NRG1: variants seen among roughly 807,000 people sequenced by gnomAD.
The protein encoded by NRG1 is neuregulin 1.
In NRG1, 18 loss-of-function variants were observed where a neutral mutation model predicts 63.8. The ratio of observed to expected loss-of-function variants is 0.28; its 90% confidence interval spans 0.19 to 0.42. The LOEUF (loss-of-function observed/expected upper bound fraction) is 0.42. Among genes scored for constraint, NRG1 ranks in the 10% least tolerant of loss-of-function variants. NRG1 has a pLI of 1.00. For synonymous variants in NRG1, 302 were observed against 301.3 expected (o/e 1.00, Z -0.02); for missense variants, 762 against 814.7 (o/e 0.94, Z 0.79).
chr8:32,543,702 G>C (rs1266126148), upstream of NRG1, among the ~76,000 whole-genome samples: 1 of 152,098 alleles, frequency 6.6e-6, no homozygotes, highest in Non-Finnish European at 1.5e-5. Context: ...AGTCACACAA[G>C]CAGAAAAACA....
intron 1 of NRG1, among the ~76,000 whole-genome samples, chr8:32,239,173 C>T (rs1847859111): frequency 6.6e-6 from 1 of 151,062 alleles, no homozygotes; most frequent in Non-Finnish European, 1.5e-5. Flanking sequence ...TTAAAAAGCT[C>T]AATCTAAAAA....
At chr8:32,150,333 A>C (rs1374592402) in intron 1 of NRG1, among the ~76,000 whole-genome samples, 1 of 152,226 alleles carries the variant, frequency 6.6e-6, no homozygotes, top group Non-Finnish European at 1.5e-5. Flanking sequence ...AAATTGTCTG[A>C]ACATTGATGT....
chr8:31,751,460 C>T (rs1816453274), intron 1 of NRG1, among the ~76,000 whole-genome samples: 1 of 151,818 alleles, frequency 6.6e-6, no homozygotes, highest in Non-Finnish European at 1.5e-5. Flanking sequence ...GCAAACATGG[C>T]TGAAGGACAG....
At chr8:32,051,950 G>A (rs1021928969) in intron 1 of NRG1, among the ~76,000 whole-genome samples, 4 of 152,116 alleles carry the variant, frequency 2.6e-5, no homozygotes, top group African/African-American at 9.7e-5. Context: ...AGAGTTTACT[G>A]GACTTGGAAG....
chr8:32,446,040 G>A (rs547534473), intron 1 of NRG1, among the ~76,000 whole-genome samples: 7 of 152,048 alleles, frequency 4.6e-5, no homozygotes, highest in Non-Finnish European at 1.0e-4. Flanking sequence ...CAAATAAATG[G>A]ACTAATTTGT....
rs1554511693 is a variant in NRG1, at chr8:32,337,682, A to AAAAAAAAAAAAAAAAAAAAAAAAAAAT, written c.38-258146_38-258145insAAAAAAAAAAAAAAAAAAAAAAAAAAT. On this transcript the variant is annotated intron_variant, in intron 1 of 10. Transcript: ENST00000519301. Reference sequence around the variant, plus strand: ...AAAAAAAAAAAAAAAAAAAAAAAAAAGCTGATGCAGTTAGGAAAGGGAAGC... The same window carrying AAAAAAAAAAAAAAAAAAAAAAAAAAAT: ...AAAAAAAAAAAAAAAAAAAAAAAAAAAAAAAAAAAAAAAAAAAAAAAAAAAATGCTGATGCAGTTAGGAAAGGGAAGC... 2.6e-5 allele frequency among the ~76,000 whole-genome samples: 3 copies of AAAAAAAAAAAAAAAAAAAAAAAAAAAT among 116,698 alleles called. 1 individual carries two copies. The highest frequency in any genetic ancestry group is 5.7e-5 in the Non-Finnish European group (3 of 52,590). The allele number at this position is 116,698 out of a possible 152,430, so 76.6% of individuals were successfully genotyped here.
chr8:32,618,971 G>A (rs574475289), intron 5 of NRG1, among the ~76,000 whole-genome samples: 1 of 152,262 alleles, frequency 6.6e-6, no homozygotes, highest in South Asian at 2.1e-4. Flanking sequence ...CTAGCATTTT[G>A]GGAGGCCAAG....
chr8:31,706,688 T>C (rs1054417858), intron 1 of NRG1, among the ~76,000 whole-genome samples: 14 of 152,208 alleles, frequency 9.2e-5, no homozygotes, highest in Admixed American at 8.5e-4. Context: ...TCCTTTTTCC[T>C]CAGCCTTACC....
chr8:32,191,116 A>G (rs921400047), intron 1 of NRG1, among the ~76,000 whole-genome samples: 5 of 149,594 alleles, frequency 3.3e-5, no homozygotes, highest in African/African-American at 1.2e-4. Context: ...TTGGAGTCTC[A>G]CTCTGTCACC....
intron 1 of NRG1, among the ~76,000 whole-genome samples, chr8:31,883,449 G>T (rs910301473): frequency 5.3e-5 from 8 of 151,998 alleles, no homozygotes; most frequent in African/African-American, 1.9e-4. Context: ...TATCCCTAAG[G>T]TATGCCTATG....
intron 1 of NRG1, among the ~76,000 whole-genome samples, chr8:32,059,144 T>G (rs2130892375): frequency 6.6e-6 from 1 of 152,076 alleles, no homozygotes; most frequent in Admixed American, 6.6e-5. Flanking sequence ...CAAATAAATG[T>G]TTTTTTCCTT....
chr8:31,969,283 T>C (rs549642348), intron 1 of NRG1, among the ~76,000 whole-genome samples: 2 of 152,344 alleles, frequency 1.3e-5, no homozygotes, highest in South Asian at 2.1e-4. Context: ...TCAGGAAACA[T>C]GAAATTCTAA....
At chr8:32,379,954 A>G (rs1264586941) in intron 1 of NRG1, among the ~76,000 whole-genome samples, 1 of 152,172 alleles carries the variant, frequency 6.6e-6, no homozygotes, top group Non-Finnish European at 1.5e-5. Flanking sequence ...ACCTTCAAAA[A>G]CAAAAAGAAG....
At chr8:32,635,778 T>C (rs1851229368) in intron 5 of NRG1, among the ~76,000 whole-genome samples, 1 of 152,228 alleles carries the variant, frequency 6.6e-6, no homozygotes, top group Non-Finnish European at 1.5e-5. Flanking sequence ...GTTCTTCTTA[T>C]CTCACTAGAT....
chr8:31,901,241 A>G (rs2046185), intron 1 of NRG1, among the ~76,000 whole-genome samples: 18,370 of 152,220 alleles, frequency 0.12, 1,260 homozygotes, highest in Admixed American at 0.19. Context: ...AAATGATGAT[A>G]TAACTATGTC....
At chr8:32,406,910 G>A (rs562599767) in intron 1 of NRG1, among the ~76,000 whole-genome samples, 2 of 151,980 alleles carry the variant, frequency 1.3e-5, no homozygotes, top group Non-Finnish European at 2.9e-5. Context: ...ATCTCAAACC[G>A]AATTCTATAA....
chr8:32,370,002 T>C lies in NRG1; in HGVS notation c.38-225826T>C, dbSNP rs189416464. ...GCGGAGAGCAAGAGGCAAAGTGATA[T>C]GAAAGACTCCAAAGTGCTGGTTCAG... On this transcript the variant is annotated intron_variant, in intron 1 of 10. Coordinates refer to the NRG1 transcript ENST00000519301. Among the ~76,000 whole-genome samples, 288 of 151,590 alleles carry C rather than the reference T, an allele frequency of 1.9e-3. 1 individual carries two copies. Among genetic ancestry groups the C allele is most frequent in the African/African-American group, 6.3e-3 (260 of 41,322 alleles).
chr8:32,197,053 G>T (rs569511703), intron 1 of NRG1, among the ~76,000 whole-genome samples: 1 of 139,212 alleles, frequency 7.2e-6, no homozygotes. Context: ...TTCGCCTCCC[G>T]GGTTCAAACG....
At chr8:32,080,471 G>A (rs761587421) in intron 1 of NRG1, among the ~76,000 whole-genome samples, 9 of 152,140 alleles carry the variant, frequency 5.9e-5, no homozygotes, top group South Asian at 4.1e-4. Flanking sequence ...AGTGACAGTC[G>A]TGGGAGAAAA....
Sources: gnomAD v4.1 joint callset for allele counts (sites outside exome capture counted in the v4.1 genomes callset) on GRCh38, gnomAD v4.1.1 for gene constraint, MANE v1.5 for transcripts, NCBI Gene and HGNC (gene_info 2026-07-23, HGNC 2026-07-21) for gene names.